Variants in TEPSIN observed in about 807,000 individuals in gnomAD.
The protein encoded by TEPSIN is TEPSIN adaptor related protein complex 4 accessory protein.
TEPSIN carries 50 observed loss-of-function variants against 48.5 expected under a neutral mutation model. The observed-to-expected ratio is 1.03, with a 90% CI of 0.82 to 1.31. The LOEUF is 1.31. Ranked by LOEUF, TEPSIN falls within the 50% of genes most tolerant of loss-of-function variation. The pLI is 0.00. For missense variants in TEPSIN, 838 were observed against 815.9 expected, an observed-to-expected ratio of 1.03 and a Z score of -0.33; for synonymous variants, 392 against 358.8, an observed-to-expected ratio of 1.09 and a Z score of -1.05.
intron 8 of TEPSIN, 64 bp from the exon 9 acceptor site, chr17:81,232,085 CGGGGCCCT>C: frequency 6.4e-7 from 1 of 1,552,924 alleles, no homozygotes; most frequent in East Asian, 2.3e-5. Flanking sequence ...GCCCACCTCC[CGGGGCCCT>C]GGACCAGGAG....
intron 10 of TEPSIN, 46 bp from the exon 11 acceptor site, chr17:81,231,522 C>A: frequency 6.3e-7 from 1 of 1,577,966 alleles, no homozygotes; most frequent in South Asian, 1.2e-5. Flanking sequence ...CCGTTCCCTC[C>A]TCCCTCGCCC....
intron 2 of TEPSIN, 80 bp downstream of exon 2, chr17:81,237,307 A>C (rs2062740816): frequency 1.4e-6 from 2 of 1,477,232 alleles, no homozygotes; most frequent in Admixed American, 3.8e-5. Context: ...GGGACAGCAG[A>C]ATCCCCAGGA....
In TEPSIN at chr17:81,229,538, G is replaced by A; in HGVS notation, c.1234-62C>T. The A allele has an allele frequency of 1.3e-5, 19 of 1,519,698 alleles. 1 individual carries two copies. In the South Asian group the frequency reaches 2.3e-4, roughly 18 times the overall value. The allele number at this position is 1,519,698 out of a possible 1,614,324, so 94.1% of individuals were successfully genotyped here. ...CAACCCTGGGAAATGTGGGGACCAG[G>A]GCCCGCTTCTCCCTAGGACCTCCTC... On this transcript the variant is annotated intron_variant, in intron 12 of 12. Transcript: ENST00000637944.
In TEPSIN at chr17:81,228,767, G is replaced by T; in HGVS notation, c.*161C>A. Reference sequence around the variant, plus strand: ...AGGGATTCAAGTCCAAATAGCCAGAGCCTCTGGCAGAGGAGATGGGGGAAA... The same window carrying T: ...AGGGATTCAAGTCCAAATAGCCAGATCCTCTGGCAGAGGAGATGGGGGAAA... On this transcript the variant is annotated 3_prime_UTR_variant, in exon 13 of 13. Coordinates refer to ENST00000637944, the MANE Select transcript of TEPSIN (RefSeq NM_001363764.2). The T allele has an allele frequency of 1.2e-6, 1 of 849,274 alleles. No individual in the cohort carries two copies. The highest frequency in any genetic ancestry group is 1.8e-6 in the Non-Finnish European group (1 of 547,186). The allele number at this position is 849,274 out of a possible 1,614,324, so 52.6% of individuals were successfully genotyped here.
At position 81,229,123 on chromosome 17, in the gene TEPSIN, G is replaced by A; in HGVS notation, c.1587C>T (p.Ser529=). The A allele has an allele frequency of 1.9e-6, 3 of 1,613,316 alleles. No individual in the cohort carries two copies. Among genetic ancestry groups the A allele is most frequent in the Admixed American group, 1.7e-5 (1 of 60,000 alleles). The stretch of plus-strand genomic sequence containing the variant: ...AGGAGTCGCGGCTCCACGCACAGCT[G>A]CTGGGGCCTCTCTTTGGGCTGTCCG... ...GGTDSPKRGP[S]SCAWSRDSLF... Residue 529 remains serine (S), a synonymous_variant, in exon 13 of 13, where the codon AGC becomes AGT. Transcript: ENST00000637944.
At chr17:81,229,593 T>G (rs1038374904) in intron 12 of TEPSIN, 117 bp from the exon 13 acceptor site, 61 of 1,103,956 alleles carry the variant, frequency 5.5e-5, no homozygotes, top group Non-Finnish European at 7.3e-5. Flanking sequence ...CAGGGCCACC[T>G]CTGGGCAGGA....
At position 81,233,960 on chromosome 17, in the gene TEPSIN, C is replaced by T. The variant is rs77520176; in HGVS notation, c.375+21G>A. On this transcript the variant is annotated intron_variant, in intron 5 of 12. Transcript: ENST00000637944. The surrounding 1 kb of genome is among the most constrained non-coding windows in gnomAD (Gnocchi z 5.8). ...ACAGGAGGAGGGGCACCCCGCAGAGCGACACTGCTCCTGGGCTCACCTGCG... is the reference window on the plus strand; with the variant it reads ...ACAGGAGGAGGGGCACCCCGCAGAGTGACACTGCTCCTGGGCTCACCTGCG... The T allele has an allele frequency of 3.1e-3, 5,003 of 1,592,046 alleles. 158 individuals are homozygous for T. In the African/African-American group the frequency reaches 0.06, roughly 19 times the overall value.
Position 81,231,882 on chromosome 17 carries a change from T to C in TEPSIN, c.870A>G (p.Ser290=), listed in dbSNP as rs2062620298. The C allele has an allele frequency of 6.2e-7, 1 of 1,613,426 alleles. No individual in the cohort carries two copies. Among genetic ancestry groups the C allele is most frequent in the Admixed American group, 1.7e-5 (1 of 60,014 alleles). Reference sequence around the variant, plus strand: ...GGTCACCCGGCTCCCGGCTGGCCCCTGAATGGCTGTCGCTGCCGGAATGAC... The same window carrying C: ...GGTCACCCGGCTCCCGGCTGGCCCCCGAATGGCTGTCGCTGCCGGAATGAC... ...SGSHSGSDSH[S]GASREPGDLA... is the part of the protein sequence containing the mutation. The change falls in exon 9 of 13, where the codon TCA becomes TCG. Residue 290 remains serine (S), a synonymous_variant. Coordinates refer to ENST00000637944, the MANE Select transcript of TEPSIN (RefSeq NM_001363764.2).
In TEPSIN at chr17:81,238,557, T is replaced by G. The variant is rs541666087; in HGVS notation, c.48+429A>C. 8.6e-5 allele frequency: 86 copies of G among 996,908 alleles called. 1 individual carries two copies. The South Asian group carries it at 1.7e-3, about 19-fold the overall frequency. The allele number at this position is 996,908 out of a possible 1,614,324, so 61.8% of individuals were successfully genotyped here. ...GTCCCTTCGAGACGTCTGTGTTCTC[T>G]GCAACCCAGGGGTGCCTCTCCAGGA... On this transcript the variant is annotated intron_variant, in intron 1 of 12. Transcript: ENST00000637944.
chr17:81,237,365 C>A lies in TEPSIN; in HGVS notation c.121+22G>T, dbSNP rs762706779. 1.9e-6 allele frequency: 3 copies of A among 1,607,726 alleles called. No homozygotes were observed. The South Asian group carries it at 3.3e-5, about 18-fold the overall frequency. ...CCTGCCATCCGCTCTTTCCACTACA[C>A]GGGGACATCAAGGAAGGATACTAGC... On this transcript the variant is annotated intron_variant, in intron 2 of 12. Coordinates refer to ENST00000637944, the MANE Select transcript of TEPSIN (RefSeq NM_001363764.2).
In TEPSIN at chr17:81,232,387, T is replaced by C. The variant is rs1266730638; in HGVS notation, c.658A>G (p.Met220Val). The stretch of plus-strand genomic sequence containing the variant: ...GGACCGTGGCTGGCTGAAGGCATCA[T>C]GGCAGGCTGGTAGGTGTCACCCCGC... The part of the protein sequence containing the change: ...LPRGDTYQPA[M>V]MPSASHGPPT... The change falls in exon 8 of 13, where the codon ATG (methionine) becomes GTG (valine). Residue 220 changes from methionine to valine, a missense_variant. Physicochemically the swap from Met to Val is conservative, Grantham distance 21. Transcript: ENST00000637944. 6 of 1,535,796 alleles carry C rather than the reference T, an allele frequency of 3.9e-6. No individual in the cohort carries two copies. The highest frequency in any genetic ancestry group is 5.2e-6 in the Non-Finnish European group (6 of 1,146,676).
chr17:81,228,542 G>C lies in TEPSIN; in HGVS notation c.*386C>G, dbSNP rs1567896620. On this transcript the variant is annotated 3_prime_UTR_variant, in exon 13 of 13. Coordinates refer to ENST00000637944, the MANE Select transcript of TEPSIN (RefSeq NM_001363764.2). Reference sequence around the variant, plus strand: ...CCTCAGCACCTAGCCCACCCCGATGGGACGGGGGAGCAGTGGCTTGTTGCT... The same window carrying C: ...CCTCAGCACCTAGCCCACCCCGATGCGACGGGGGAGCAGTGGCTTGTTGCT... 3.2e-6 allele frequency: 1 copy of C among 308,354 alleles called. No homozygotes were observed. The highest frequency in any genetic ancestry group is 2.3e-5 in the African/African-American group (1 of 43,386). The allele number at this position is 308,354 out of a possible 1,614,324, so 19.1% of individuals were successfully genotyped here.
rs1380887157 is a variant in TEPSIN, at chr17:81,232,049, T to A, written c.731-28A>T. On this transcript the variant is annotated intron_variant, in intron 8 of 12. Coordinates refer to ENST00000637944, the MANE Select transcript of TEPSIN (RefSeq NM_001363764.2). ...GGAGGAAACAGGACAGCCGGTGAGATCCCTGGGGCTTCAGGCCAGCCCCAT... is the reference window on the plus strand; with the variant it reads ...GGAGGAAACAGGACAGCCGGTGAGAACCCTGGGGCTTCAGGCCAGCCCCAT... 5.0e-6 allele frequency: 8 copies of A among 1,595,164 alleles called. No homozygotes were observed. The African/African-American group carries it at 6.7e-5, about 13-fold the overall frequency.
At position 81,230,616 on chromosome 17, in the gene TEPSIN, G is replaced by T; in HGVS notation, c.1161C>A (p.Leu387=). Residue 387 remains leucine (L), a synonymous_variant, in exon 12 of 13, where the codon CTC becomes CTA. Coordinates refer to ENST00000637944, the MANE Select transcript of TEPSIN (RefSeq NM_001363764.2). The surrounding 1 kb of genome is among the most constrained non-coding windows in gnomAD (Gnocchi z 4.2). ...SSDLLPQEHI[L]LRTRPWLQEL... is the part of the protein sequence containing the mutation. ...CCTGCAGCCACGGCCGGGTGCGGAGGAGGATGTGCTCCTGGGGGAGGAGGT... is the reference window on the plus strand; with the variant it reads ...CCTGCAGCCACGGCCGGGTGCGGAGTAGGATGTGCTCCTGGGGGAGGAGGT... The T allele has an allele frequency of 1.2e-6, 2 of 1,606,374 alleles. No homozygotes were observed. Among genetic ancestry groups the T allele is most frequent in the Non-Finnish European group, 1.7e-6 (2 of 1,176,294 alleles).
At chr17:81,231,166 A>G (rs1019222642) in intron 11 of TEPSIN, 2 of 583,694 alleles carry the variant, frequency 3.4e-6, no homozygotes, top group Non-Finnish European at 6.1e-6. Context: ...ACACACGTGC[A>G]CAAGTGTGTA....
rs759829587 is a variant in TEPSIN, at chr17:81,233,383, A to C, written c.526+49T>G. ...ATGGTCCGGCCCCCACCACCTCCTCATCCCCACACCCTGAGATGCCAGAGC... is the reference window on the plus strand; with the variant it reads ...ATGGTCCGGCCCCCACCACCTCCTCCTCCCCACACCCTGAGATGCCAGAGC... On this transcript the variant is annotated intron_variant, in intron 7 of 12. Coordinates refer to ENST00000637944, the MANE Select transcript of TEPSIN (RefSeq NM_001363764.2). This position sits in a 1 kb window ranked among gnomAD's most constrained non-coding sequence, Gnocchi z 5.8. 36 of 1,595,726 alleles carry C rather than the reference A, an allele frequency of 2.3e-5. No individual in the cohort carries two copies. The South Asian group carries it at 3.9e-4, about 17-fold the overall frequency.
At chr17:81,238,604 C>A in intron 1 of TEPSIN, 2 of 1,099,370 alleles carry the variant, frequency 1.8e-6, no homozygotes, top group South Asian at 3.8e-5. Context: ...TGAAACGCCA[C>A]CGTCAGGGAG....
intron 2 of TEPSIN, 92 bp from the exon 3 acceptor site, chr17:81,237,163 C>A: frequency 7.3e-7 from 1 of 1,370,786 alleles, no homozygotes; most frequent in Non-Finnish European, 1.0e-6. Flanking sequence ...AGTTCACGCT[C>A]CCTGGAGGCG....
Position 81,233,471 on chromosome 17 carries a change from G to T in TEPSIN, c.487C>A (p.Leu163Ile). The change falls in exon 7 of 13, where the codon CTC (leucine) becomes ATC (isoleucine). Residue 163 changes from leucine (L) to isoleucine (I), a missense_variant. Coordinates refer to ENST00000637944, the MANE Select transcript of TEPSIN (RefSeq NM_001363764.2). The surrounding 1 kb of genome is among the most constrained non-coding windows in gnomAD (Gnocchi z 5.8). Reference sequence around the variant, plus strand: ...TCCTTGCTGTAGCCGAAACCCTGGAGGGTGCTGTGCGGCCTGGCCTGGGAG... The same window carrying T: ...TCCTTGCTGTAGCCGAAACCCTGGATGGTGCTGTGCGGCCTGGCCTGGGAG... Reference protein sequence around the residue: ...MGSQARPHSTLQGFGYSKEHG... With the variant: ...MGSQARPHSTIQGFGYSKEHG... The T allele has an allele frequency of 6.2e-7, 1 of 1,610,362 alleles. No homozygotes were observed. The highest frequency in any genetic ancestry group is 1.3e-5 in the African/African-American group (1 of 74,984).
Sources: gnomAD v4.1 joint callset for allele counts on GRCh38, gnomAD v4.1.1 for gene constraint, Gnocchi (gnomAD v3.1) non-coding constraint, MANE v1.5 for transcripts, NCBI Gene and HGNC (gene_info 2026-07-23, HGNC 2026-07-21) for gene names.